The following MS4A10 variants were observed in gnomAD, a reference collection of about 807,000 sequenced individuals.
MS4A10 encodes membrane spanning 4-domains A10.
Under a neutral mutation model 27.7 loss-of-function variants are expected in MS4A10, and 27 were observed. The ratio of observed to expected loss-of-function variants is 0.98; its 90% CI spans 0.72 to 1.35. MS4A10 has a LOEUF of 1.35. Among genes scored for constraint, MS4A10 ranks in the 40% most tolerant of loss-of-function variants. The pLI, the probability that MS4A10 is intolerant of heterozygous loss-of-function variation, is 0.00. For synonymous variants in MS4A10, 139 were observed against 131.2 expected (o/e 1.06, Z -0.41); for missense variants, 338 against 324.7 (o/e 1.04, Z -0.32).
intron 1 of MS4A10, among the ~76,000 whole-genome samples, chr11:60,787,417 C>T (rs898103633): frequency 1.3e-5 from 2 of 152,168 alleles, no homozygotes; most frequent in Non-Finnish European, 2.9e-5. Flanking sequence ...AGAGTCATAA[C>T]AAACTTTTCC....
intron 1 of MS4A10, among the ~76,000 whole-genome samples, chr11:60,789,539 T>C (rs1481121673): frequency 6.6e-6 from 1 of 152,234 alleles, no homozygotes; most frequent in Non-Finnish European, 1.5e-5. Flanking sequence ...TTTCCAATTG[T>C]TGAGCCAACA....
intron 3 of MS4A10, among the ~76,000 whole-genome samples, 168 bp from the exon 4 acceptor site, chr11:60,792,080 GTGGGGCAGCTTCTTGGA>G: frequency 6.6e-6 from 1 of 152,208 alleles, no homozygotes; most frequent in South Asian, 2.1e-4. Flanking sequence ...AAGATGTGAG[GTGGGGCAGCTTCTTGGA>G]TGGGCCACAT....
intron 1 of MS4A10, among the ~76,000 whole-genome samples, chr11:60,787,606 G>C (rs987782481): frequency 1.3e-5 from 2 of 152,044 alleles, no homozygotes; most frequent in Admixed American, 6.6e-5. Context: ...CAAAAGCAGA[G>C]AAAAGGCCAA....
At chr11:60,798,790 C>T (rs1290795966) in intron 7 of MS4A10, among the ~76,000 whole-genome samples, 1 of 152,248 alleles carries the variant, frequency 6.6e-6, no homozygotes, top group Non-Finnish European at 1.5e-5. Context: ...AACCAGGACC[C>T]ATCGCCTTCC....
chr11:60,789,679 A>G (rs1483126566), intron 1 of MS4A10, among the ~76,000 whole-genome samples: 2 of 152,244 alleles, frequency 1.3e-5, no homozygotes, highest in Non-Finnish European at 2.9e-5. Flanking sequence ...AATGAGAGTG[A>G]GGACGGTATT....
At chr11:60,795,168 C>T (rs4939456) in intron 5 of MS4A10, among the ~76,000 whole-genome samples, 49,206 of 152,014 alleles carry the variant, frequency 0.32, 8,422 homozygotes, top group Middle Eastern at 0.41. Flanking sequence ...CCCAGCTGCA[C>T]GGCTCTTCCC....
At chr11:60,794,369 A>G (rs1565082413) in intron 5 of MS4A10, among the ~76,000 whole-genome samples, 1 of 152,210 alleles carries the variant, frequency 6.6e-6, no homozygotes, top group Non-Finnish European at 1.5e-5. Context: ...GCCTGAGGTC[A>G]AGCAGCAACT....
chr11:60,794,026 C>T lies in MS4A10; in HGVS notation c.415C>T (p.Leu139Phe), dbSNP rs764055994. 21 of 1,614,054 alleles carry T rather than the reference C, an allele frequency of 1.3e-5. No individual in the cohort carries two copies. The South Asian group carries it at 2.2e-4, about 17-fold the overall frequency. ...LISLFCVLSGLFVISKDLFLE... is the reference protein window; with the variant it reads ...LISLFCVLSGFFVISKDLFLE... ...CAGCCTCTTTTGCGTGCTGTCTGGCCTCTTCGTCATCTCCAAGGATCTCTT... is the reference window on the plus strand; with the variant it reads ...CAGCCTCTTTTGCGTGCTGTCTGGCTTCTTCGTCATCTCCAAGGATCTCTT... The change falls in exon 5 of 8, where the codon CTC (leucine) becomes TTC (phenylalanine). Residue 139 changes from leucine (L) to phenylalanine (F), a missense_variant. Leu to Phe is a conservative substitution (Grantham distance 22). Transcript: ENST00000308287.
chr11:60,788,478 C>G (rs1022966193), intron 1 of MS4A10, among the ~76,000 whole-genome samples: 6 of 152,216 alleles, frequency 3.9e-5, no homozygotes, highest in African/African-American at 1.4e-4. Context: ...ATTGTCCTCC[C>G]AGGTGTGCAG....
At chr11:60,798,607 T>TG in intron 7 of MS4A10, 93 bp downstream of exon 7, 1 of 973,678 alleles carries the variant, frequency 1.0e-6, no homozygotes, top group Non-Finnish European at 1.6e-6. Context: ...CCAGGGGAGC[T>TG]GTAAGGGGCA....
chr11:60,792,159 T>C, intron 3 of MS4A10, 106 bp from the exon 4 acceptor site: 1 of 864,892 alleles, frequency 1.2e-6, no homozygotes, highest in South Asian at 1.4e-5. Flanking sequence ...CCTGCCCCAC[T>C]GGCCGCCAAG....
In MS4A10 at chr11:60,795,569, G is replaced by A. The variant is rs752100856; in HGVS notation, c.507G>A (p.Arg169=). The change falls in exon 6 of 8, where the codon AGG becomes AGA. Residue 169 remains arginine, a synonymous_variant. Transcript: ENST00000308287. ...TACCCTCTCAGGTCCACATCCAGAG[G>A]CTGGAGCTGGCCTTGCTCTGCTTCA... ...MYPNSTVHIQ[R]LELALLCFTV... 9.0e-6 allele frequency: 14 copies of A among 1,563,032 alleles called. No individual in the cohort carries two copies. Among genetic ancestry groups the A allele is most frequent in the Middle Eastern group, 1.7e-4 (1 of 5,868 alleles).
chr11:60,793,396 A>G (rs962055749), intron 4 of MS4A10, among the ~76,000 whole-genome samples: 5 of 152,244 alleles, frequency 3.3e-5, no homozygotes, highest in African/African-American at 1.2e-4. Context: ...CCATATGTGC[A>G]TAGTCTTTCC....
At chr11:60,792,524 A>G (rs1051649446) in intron 4 of MS4A10, among the ~76,000 whole-genome samples, 4 of 152,168 alleles carry the variant, frequency 2.6e-5, no homozygotes, top group African/African-American at 9.7e-5. Context: ...GAGGAAAGGA[A>G]GCACCATCTG....
chr11:60,796,345 C>T (rs1332231617), intron 6 of MS4A10, among the ~76,000 whole-genome samples: 7 of 152,116 alleles, frequency 4.6e-5, no homozygotes, highest in African/African-American at 7.2e-5. Context: ...TACAGTGGCA[C>T]GATCTCGGCC....
intron 1 of MS4A10, among the ~76,000 whole-genome samples, chr11:60,789,289 T>C (rs1270071132): frequency 2.0e-5 from 3 of 152,132 alleles, no homozygotes; most frequent in African/African-American, 7.2e-5. Flanking sequence ...GGAGAAACCA[T>C]CTCTGACCTC....
chr11:60,790,473 G>C lies in MS4A10; in HGVS notation c.138G>C (p.Gln46His). 6.2e-7 allele frequency: 1 copy of C among 1,614,156 alleles called. No homozygotes were observed. The highest frequency in any genetic ancestry group is 8.5e-7 in the Non-Finnish European group (1 of 1,180,026). The change falls in exon 2 of 8, where the codon CAG becomes CAC. Residue 46 changes from glutamine (Q) to histidine (H), a missense_variant. Gln to His is a conservative substitution (Grantham distance 24). Transcript: ENST00000308287. Reference sequence around the variant, plus strand: ...AGCCCAAGCTCCTGGCTCCACACCAGCACGAGAAGTCCCAGAAGAAGAGCA... The same window carrying C: ...AGCCCAAGCTCCTGGCTCCACACCACCACGAGAAGTCCCAGAAGAAGAGCA... ...TTQPKLLAPH[Q>H]HEKSQKKSSL... is the part of the protein sequence containing the mutation.
At chr11:60,794,873 TG>T (rs2134754622) in intron 5 of MS4A10, among the ~76,000 whole-genome samples, 1 of 152,182 alleles carries the variant, frequency 6.6e-6, no homozygotes, top group South Asian at 2.1e-4. Flanking sequence ...TTAGTAGAGA[TG>T]GGGTTTCACC....
chr11:60,787,681 A>G (rs2134747441), intron 1 of MS4A10, among the ~76,000 whole-genome samples: 2 of 152,272 alleles, frequency 1.3e-5, no homozygotes, highest in East Asian at 1.9e-4. Context: ...CAGACCCCAC[A>G]GAATACCAAT....
Sources: gnomAD v4.1 joint callset for allele counts (sites outside exome capture counted in the v4.1 genomes callset) on GRCh38, gnomAD v4.1.1 for gene constraint, MANE v1.5 for transcripts, NCBI Gene and HGNC (gene_info 2026-07-23, HGNC 2026-07-21) for gene names.